MKLN1: variants seen among roughly 807,000 people sequenced by gnomAD.
MKLN1 encodes muskelin 1.
MKLN1 carries 18 observed loss-of-function variants against 99.0 expected under a neutral mutation model. That is an observed-to-expected ratio of 0.18 (90% confidence interval 0.13 to 0.27). The LOEUF (loss-of-function observed/expected upper bound fraction) is 0.27, where lower values mean the gene tolerates loss of function less well. Among genes scored for constraint, MKLN1 ranks in the 10% least tolerant of loss-of-function variants. MKLN1 has a pLI of 1.00. For synonymous variants in MKLN1, 288 were observed against 293.2 expected (o/e 0.98, Z 0.18); for missense variants, 621 against 875.9 (o/e 0.71, Z 3.67).
chr7:131,325,348 G>GA (rs988940847), upstream of MKLN1, among the ~76,000 whole-genome samples: 320 of 148,890 alleles, frequency 2.1e-3, no homozygotes, highest in South Asian at 4.0e-3. Flanking sequence ...GCTTGCATAG[G>GA]AAAAAAAAAA....
intron 3 of MKLN1, among the ~76,000 whole-genome samples, chr7:131,254,048 T>C (rs930712082): frequency 1.3e-5 from 2 of 152,126 alleles, no homozygotes; most frequent in Non-Finnish European, 2.9e-5. Flanking sequence ...AACAATAGAA[T>C]GACCAGCAAC....
intron 1 of MKLN1, among the ~76,000 whole-genome samples, chr7:131,350,638 G>A (rs541626243): frequency 1.3e-5 from 2 of 152,308 alleles, no homozygotes; most frequent in South Asian, 4.1e-4. Flanking sequence ...TGCCACGTGG[G>A]CATCTCTAAT....
chr7:131,392,615 T>G (rs1794229000), intron 4 of MKLN1, among the ~76,000 whole-genome samples: 1 of 151,578 alleles, frequency 6.6e-6, no homozygotes, highest in Admixed American at 6.6e-5. Context: ...TTTTTTTTTT[T>G]TTTTGGGAGG....
At chr7:131,390,758 C>T (rs1013882181) in intron 4 of MKLN1, among the ~76,000 whole-genome samples, 4 of 152,172 alleles carry the variant, frequency 2.6e-5, no homozygotes, top group African/African-American at 7.2e-5. Context: ...TACAGTAGAT[C>T]TCCAGAACTT....
At chr7:131,485,086 G>C (rs1188629183) in intron 17 of MKLN1, among the ~76,000 whole-genome samples, 1 of 152,018 alleles carries the variant, frequency 6.6e-6, no homozygotes, top group African/African-American at 2.4e-5. Context: ...ACAGCTAAAA[G>C]AAAGTAGGAC....
chr7:131,339,654 G>A (rs964706616), intron 1 of MKLN1, among the ~76,000 whole-genome samples: 1 of 151,518 alleles, frequency 6.6e-6, no homozygotes, highest in Admixed American at 6.6e-5. Context: ...AGCTGAGATC[G>A]TGCCACTGTA....
rs1563343523 is a variant in MKLN1, at chr7:131,429,068, C to A, written c.883C>A (p.Gln295Lys). The change falls in exon 9 of 18, where the codon CAA (glutamine) becomes AAA (lysine). Residue 295 changes from glutamine (Q) to lysine (K), a missense_variant. Coordinates refer to ENST00000352689, the MANE Select transcript of MKLN1 (RefSeq NM_013255.5). ...VYLFGGWDGT[Q>K]DLADFWAYSV... ...TTTGTTTGGTGGCTGGGATGGAACA[C>A]AAGATCTTGCTGACTTCTGGGCGTA... The A allele has an allele frequency of 1.9e-6, 3 of 1,613,810 alleles. No homozygotes were observed. The highest frequency in any genetic ancestry group is 1.1e-5 in the South Asian group (1 of 91,062).
intron 2 of MKLN1, among the ~76,000 whole-genome samples, chr7:131,199,176 A>T (rs1267736364): frequency 1.3e-5 from 2 of 152,026 alleles, no homozygotes; most frequent in Non-Finnish European, 2.9e-5. Context: ...CTTATGTTTT[A>T]GATATAGCTG....
intron 1 of MKLN1, among the ~76,000 whole-genome samples, chr7:131,124,800 A>C (rs1316513534): frequency 6.6e-6 from 1 of 152,218 alleles, no homozygotes; most frequent in East Asian, 1.9e-4. Flanking sequence ...TCATCTTTGC[A>C]GAGGGCTGTA....
At chr7:131,438,078 G>A (rs1032474474) in intron 10 of MKLN1, 81 bp downstream of exon 10, 2 of 1,102,926 alleles carry the variant, frequency 1.8e-6, no homozygotes, top group Non-Finnish European at 2.7e-6. Flanking sequence ...TAGATGTTAT[G>A]CTGAGTTGTC....
chr7:131,406,470 T>C (rs1794710640), intron 6 of MKLN1, among the ~76,000 whole-genome samples: 2 of 152,018 alleles, frequency 1.3e-5, no homozygotes, highest in Non-Finnish European at 2.9e-5. Context: ...TTGTTGTCAA[T>C]TGCTCTATTG....
At chr7:131,195,585 TTCC>T (rs1158256594) in intron 2 of MKLN1, among the ~76,000 whole-genome samples, 1 of 152,178 alleles carries the variant, frequency 6.6e-6, no homozygotes, top group African/African-American at 2.4e-5. Context: ...TTGCCTTTTT[TTCC>T]TCCTCAATAT....
chr7:131,237,027 C>G (rs1797332502), intron 3 of MKLN1, among the ~76,000 whole-genome samples: 1 of 152,104 alleles, frequency 6.6e-6, no homozygotes, highest in Non-Finnish European at 1.5e-5. Context: ...GAGAAAACCA[C>G]AGTCTGGTTC....
At chr7:131,415,110 GGTTTT>G (rs777162022) in intron 8 of MKLN1, among the ~76,000 whole-genome samples, 1 of 150,938 alleles carries the variant, frequency 6.6e-6, no homozygotes, top group Non-Finnish European at 1.5e-5. Flanking sequence ...TTTTTTGTTT[GGTTTT>G]GTTTTTTTTT....
rs1241567095 is a variant in MKLN1, at chr7:131,192,107, T to C, written c.-296-10750T>C. On this transcript the variant is annotated intron_variant, in intron 2 of 7. Transcript: ENST00000416992. ...TATATTATATATATATGTATATATA[T>C]ATTATATATATACGTATATATATAA... is the stretch of plus-strand genomic sequence containing the variant. 2.9e-3 allele frequency among the ~76,000 whole-genome samples: 245 copies of C among 85,146 alleles called. 19 individuals are homozygous for C. The highest frequency in any genetic ancestry group is 3.9e-3 in the African/African-American group (87 of 22,294). 55.9% of individuals were successfully genotyped at this position (85,146 alleles called of 152,430 possible).
chr7:131,221,239 G>A (rs969387943), intron 3 of MKLN1, among the ~76,000 whole-genome samples: 1 of 152,188 alleles, frequency 6.6e-6, no homozygotes, highest in African/African-American at 2.4e-5. Flanking sequence ...TTTGAATTGA[G>A]GGATGCCCAT....
At position 131,466,435 on chromosome 7, in the gene MKLN1, A is replaced by G. The variant is rs1796662684; in HGVS notation, c.1928+20A>G. 6.6e-7 allele frequency: 1 copy of G among 1,508,750 alleles called. No homozygotes were observed. Among genetic ancestry groups the G allele is most frequent in the East Asian group, 2.3e-5 (1 of 43,096 alleles). 93.5% of individuals were successfully genotyped at this position (1,508,750 alleles called of 1,614,324 possible). ...ACACAGGTATGAAAATAATTCACTGAAAACATTTAATTAACATTATCAGCT... is the reference window on the plus strand; with the variant it reads ...ACACAGGTATGAAAATAATTCACTGGAAACATTTAATTAACATTATCAGCT... On this transcript the variant is annotated intron_variant, in intron 15 of 17. Transcript: ENST00000352689.
At chr7:131,192,232 TA>T (rs1253454214) in intron 2 of MKLN1, among the ~76,000 whole-genome samples, 2,292 of 97,490 alleles carry the variant, frequency 0.024, 57 homozygotes, top group Admixed American at 0.031. Flanking sequence ...ATATATACAA[TA>T]TATAAATATA....
At chr7:131,377,802 C>G (rs564376938) in intron 2 of MKLN1, among the ~76,000 whole-genome samples, 1 of 152,082 alleles carries the variant, frequency 6.6e-6, no homozygotes, top group Non-Finnish European at 1.5e-5. Context: ...AATATTGTCT[C>G]CTCTTGATGA....
Sources: allele counts gnomAD v4.1 joint callset (sites outside exome capture counted in the v4.1 genomes callset), GRCh38; gene constraint gnomAD v4.1.1; transcripts MANE v1.5; gene names NCBI Gene and HGNC (gene_info 2026-07-23, HGNC 2026-07-21).